Variants in PRKAR1A observed in about 807,000 individuals in gnomAD.
PRKAR1A encodes the protein cAMP-dependent protein kinase type I-alpha regulatory subunit.
A neutral mutation model predicts 52.0 loss-of-function variants in PRKAR1A; 3 were observed. The observed-to-expected ratio is 0.06, with a 90% CI of 0.03 to 0.15. The LOEUF is 0.15. Among genes scored for constraint, PRKAR1A ranks in the 10% least tolerant of loss-of-function variants. PRKAR1A has a pLI of 1.00. For missense variants in PRKAR1A, 240 were observed against 477.4 expected (o/e 0.50, Z 4.63); for synonymous variants, 188 against 168.4 (o/e 1.12, Z -0.90).
the PRKAR1A span, among the ~76,000 whole-genome samples, chr17:68,467,571 T>A: frequency 6.6e-6 from 1 of 152,144 alleles, no homozygotes; most frequent in Non-Finnish European, 1.5e-5. Flanking sequence ...TCTCACTGAG[T>A]CAAAGCCCTA....
At chr17:68,549,230 C>T (rs1180429037) in intron 11 of PRKAR1A, among the ~76,000 whole-genome samples, 1 of 152,178 alleles carries the variant, frequency 6.6e-6, no homozygotes, top group Non-Finnish European at 1.5e-5. Flanking sequence ...TGCATTGGCT[C>T]ACGCCTGGAA....
At chr17:68,477,198 C>T in the PRKAR1A span, among the ~76,000 whole-genome samples, 1 of 152,084 alleles carries the variant, frequency 6.6e-6, no homozygotes, top group Non-Finnish European at 1.5e-5. Flanking sequence ...TTCCTTTATT[C>T]GTCATGCATC....
the PRKAR1A span, chr17:68,421,693 A>G: frequency 1.9e-6 from 3 of 1,595,270 alleles, no homozygotes; most frequent in Non-Finnish European, 2.6e-6. Context: ...ACACAATTGC[A>G]CTCCATTCTT....
chr17:68,522,098 C>G (rs1289019864), intron 2 of PRKAR1A, among the ~76,000 whole-genome samples: 2 of 152,306 alleles, frequency 1.3e-5, no homozygotes, highest in East Asian at 3.9e-4. Flanking sequence ...ATTATAGATA[C>G]GATCTCGTTT....
At chr17:68,457,918 C>A in the PRKAR1A span, among the ~76,000 whole-genome samples, 1 of 152,310 alleles carries the variant, frequency 6.6e-6, no homozygotes, top group Non-Finnish European at 1.5e-5. Context: ...CGGCTGGGGC[C>A]AGATCTGCTG....
upstream of PRKAR1A, among the ~76,000 whole-genome samples, chr17:68,511,545 A>AC (rs2085264661): frequency 6.6e-6 from 1 of 152,166 alleles, no homozygotes; most frequent in Non-Finnish European, 1.5e-5. Flanking sequence ...GTCAGGAGTG[A>AC]TGGGGGGGCA....
downstream of PRKAR1A, among the ~76,000 whole-genome samples, chr17:68,533,887 C>T (rs1016713186): frequency 3.3e-5 from 5 of 152,148 alleles, no homozygotes; most frequent in African/African-American, 1.2e-4. Context: ...GCCATCACAC[C>T]CAGCTAGTTT....
At chr17:68,448,742 T>C in the PRKAR1A span, among the ~76,000 whole-genome samples, 1 of 152,240 alleles carries the variant, frequency 6.6e-6, no homozygotes, top group African/African-American at 2.4e-5. Flanking sequence ...TAACCTTGTA[T>C]ACGGATTACT....
downstream of PRKAR1A, among the ~76,000 whole-genome samples, chr17:68,533,962 C>T (rs137991718): frequency 2.4e-4 from 36 of 152,302 alleles, no homozygotes; most frequent in African/African-American, 8.2e-4. Flanking sequence ...CTCCTAAGCT[C>T]AGTTTGCCCA....
chr17:68,473,218 A>T, the PRKAR1A span, among the ~76,000 whole-genome samples: 1 of 152,208 alleles, frequency 6.6e-6, no homozygotes, highest in Non-Finnish European at 1.5e-5. Context: ...AGGAAATATT[A>T]GAATGTCATT....
chr17:68,522,717 C>G (rs758103491), intron 2 of PRKAR1A, 39 bp from the exon 3 acceptor site: 22 of 1,609,408 alleles, frequency 1.4e-5, no homozygotes, highest in Non-Finnish European at 1.6e-5. Context: ...GCTTTACATG[C>G]CGAAGGATCT....
At chr17:68,542,219 C>G (rs1424038325) in intron 11 of PRKAR1A, 1 of 1,592,978 alleles carries the variant, frequency 6.3e-7, no homozygotes, top group East Asian at 2.2e-5. Flanking sequence ...GGAGGCATGA[C>G]ATCTTCCTGG....
At chr17:68,523,887 T>G in intron 4 of PRKAR1A, 71 bp downstream of exon 4, 1 of 1,582,832 alleles carries the variant, frequency 6.3e-7, no homozygotes. Flanking sequence ...TCAACACTTG[T>G]TGCAAGTTTT....
chr17:68,511,016 T>C (rs944742325), upstream of PRKAR1A, among the ~76,000 whole-genome samples: 29 of 152,202 alleles, frequency 1.9e-4, no homozygotes, highest in African/African-American at 6.8e-4. Context: ...GAAATTAACT[T>C]TAATATTTTA....
the PRKAR1A span, among the ~76,000 whole-genome samples, chr17:68,486,982 T>C: frequency 3.3e-5 from 5 of 151,996 alleles, no homozygotes; most frequent in Admixed American, 6.6e-5. Context: ...CAAGCAATTC[T>C]CCCAACTCGG....
At chr17:68,434,473 CTG>C in the PRKAR1A span, 4 of 1,459,626 alleles carry the variant, frequency 2.7e-6, no homozygotes, top group African/African-American at 5.6e-5. Flanking sequence ...GAGCCACTCT[CTG>C]TCCTCTCCCT....
intron 10 of PRKAR1A, 47 bp downstream of exon 10, chr17:68,530,048 C>A: frequency 2.5e-6 from 4 of 1,577,318 alleles, no homozygotes; most frequent in Non-Finnish European, 2.6e-6. Flanking sequence ...CTTTAAGTCA[C>A]CTCTCAGTGA....
chr17:68,518,313 G>A (rs934148905), intron 2 of PRKAR1A, among the ~76,000 whole-genome samples: 11 of 152,190 alleles, frequency 7.2e-5, no homozygotes, highest in South Asian at 4.1e-4. Context: ...TTTCCCTTCC[G>A]CACTGCCCTA....
the PRKAR1A span, among the ~76,000 whole-genome samples, chr17:68,492,059 A>G: frequency 5.3e-5 from 8 of 152,238 alleles, no homozygotes; most frequent in Non-Finnish European, 1.2e-4. Context: ...TCCGCAAGGA[A>G]GCCTGTGTCT....
Sources: gnomAD v4.1 joint callset for allele counts (sites outside exome capture counted in the v4.1 genomes callset) on GRCh38, gnomAD v4.1.1 for gene constraint, MANE v1.5 for transcripts, NCBI Gene and HGNC (gene_info 2026-07-23, HGNC 2026-07-21) for gene names.